LRRC74A: variants seen among roughly 807,000 people sequenced by gnomAD.
LRRC74A encodes leucine rich repeat containing 74A, also known as leucine-rich repeat-containing protein 74A.
LRRC74A carries 44 observed loss-of-function variants against 57.9 expected under a neutral mutation model. That is an observed-to-expected ratio of 0.76 (90% CI 0.60 to 0.98). The LOEUF is 0.98. Among genes scored for constraint, LRRC74A ranks in the 50% least tolerant of loss-of-function variants. The pLI is 0.00. For missense variants in LRRC74A, 572 were observed against 574.0 expected, an observed-to-expected ratio of 1.00 and a Z score of 0.04; for synonymous variants, 211 against 219.4, an observed-to-expected ratio of 0.96 and a Z score of 0.34.
chr14:76,845,837 G>A (rs913714739), intron 7 of LRRC74A, among the ~76,000 whole-genome samples: 14 of 152,216 alleles, frequency 9.2e-5, no homozygotes, highest in African/African-American at 2.7e-4. Context: ...TGGCCAACAT[G>A]GTGAAACCCC....
intron 5 of LRRC74A, 65 bp from the exon 6 acceptor site, chr14:76,844,358 G>A: frequency 6.9e-7 from 1 of 1,443,994 alleles, no homozygotes; most frequent in Admixed American, 1.8e-5. Flanking sequence ...GGGAGGGGCA[G>A]GGGGTGGGAG....
intron 10 of LRRC74A, among the ~76,000 whole-genome samples, chr14:76,859,418 T>C: frequency 6.6e-6 from 1 of 150,460 alleles, no homozygotes; most frequent in East Asian, 2.0e-4. Flanking sequence ...CCTGTAATCA[T>C]AGCTACCTGG....
chr14:76,862,970 G>A (rs970274598), intron 11 of LRRC74A, among the ~76,000 whole-genome samples: 1 of 152,156 alleles, frequency 6.6e-6, no homozygotes, highest in Non-Finnish European at 1.5e-5. Flanking sequence ...CAGCAGGATT[G>A]AGGAGTTCTG....
chr14:76,847,536 T>C (rs1897186215), intron 7 of LRRC74A, among the ~76,000 whole-genome samples: 1 of 151,342 alleles, frequency 6.6e-6, no homozygotes, highest in South Asian at 2.1e-4. Context: ...GGGGACTAAC[T>C]GAGGGTGGAG....
At chr14:76,828,524 C>T (rs752408385) in intron 2 of LRRC74A, 105 bp downstream of exon 2, 425 of 1,541,584 alleles carry the variant, frequency 2.8e-4, no homozygotes, top group Non-Finnish European at 3.5e-4. Context: ...GTCTGCCCTG[C>T]GGATGGCCTG....
intron 5 of LRRC74A, among the ~76,000 whole-genome samples, chr14:76,841,241 C>T (rs1028817799): frequency 2.6e-5 from 4 of 152,036 alleles, no homozygotes; most frequent in Non-Finnish European, 5.9e-5. Flanking sequence ...AGAGTTTTGC[C>T]ATGTTGGCCA....
intron 10 of LRRC74A, among the ~76,000 whole-genome samples, chr14:76,860,260 G>T (rs1053733109): frequency 2.6e-5 from 4 of 152,188 alleles, no homozygotes; most frequent in African/African-American, 9.6e-5. Context: ...ACTTCCAGAA[G>T]GGGAAGTTTC....
Position 76,852,406 on chromosome 14 carries a change from A to C in LRRC74A, c.718A>C (p.Asn240His). ...GLTSLDLSWN[N>H]FHTRGAVALC... ...CACGTCACTGGATCTGAGCTGGAAT[A>C]ACTTCCACACAAGGGGAGCTGTGGC... The change falls in exon 8 of 14, where the codon AAC becomes CAC. Residue 240 changes from asparagine (N) to histidine (H), a missense_variant. By Grantham distance (68) the Asn-to-His change is moderately conservative. Transcript: ENST00000689127. 1 of 1,612,434 alleles carries C rather than the reference A, an allele frequency of 6.2e-7. No homozygotes were observed. Among genetic ancestry groups the C allele is most frequent in the Non-Finnish European group, 8.5e-7 (1 of 1,179,058 alleles).
At chr14:76,857,930 G>A (rs1214889174) in intron 10 of LRRC74A, among the ~76,000 whole-genome samples, 1 of 152,184 alleles carries the variant, frequency 6.6e-6, no homozygotes. Context: ...ATTTCTGGGT[G>A]AAAATCTCTT....
chr14:76,867,524 A>C, intron 13 of LRRC74A, 86 bp downstream of exon 13: 1 of 706,538 alleles, frequency 1.4e-6, no homozygotes, highest in Non-Finnish European at 2.5e-6. Flanking sequence ...TCCTGTCTAC[A>C]CTTTATTACT....
chr14:76,828,894 G>T, intron 2 of LRRC74A: 3 of 696,726 alleles, frequency 4.3e-6, no homozygotes, highest in Non-Finnish European at 6.3e-6. Context: ...TCTGCCTTCT[G>T]TATTCCATAT....
At chr14:76,829,052 T>G in intron 2 of LRRC74A, 1 of 1,289,400 alleles carries the variant, frequency 7.8e-7, no homozygotes, top group Non-Finnish European at 1.0e-6. Flanking sequence ...AAAGACTCTG[T>G]TAATGCAAAT....
chr14:76,866,675 G>T (rs115733672), intron 12 of LRRC74A, among the ~76,000 whole-genome samples: 4,667 of 151,966 alleles, frequency 0.031, 171 homozygotes, highest in Admixed American at 0.093. Flanking sequence ...TCAGCAGCAG[G>T]AAGTGAGAAT....
chr14:76,857,531 A>G, intron 10 of LRRC74A, 56 bp downstream of exon 10: 1 of 1,265,394 alleles, frequency 7.9e-7, no homozygotes, highest in Non-Finnish European at 1.1e-6. Context: ...GACCCTGTCC[A>G]CTCTATACTC....
At chr14:76,841,419 AT>A (rs1267185357) in intron 5 of LRRC74A, among the ~76,000 whole-genome samples, 1 of 152,196 alleles carries the variant, frequency 6.6e-6, no homozygotes, top group East Asian at 1.9e-4. Flanking sequence ...TTTCAAAGTA[AT>A]CTTGAATTTT....
Position 76,844,820 on chromosome 14 carries a change from A to G in LRRC74A, c.595A>G (p.Thr199Ala). ...CTCTTTCCCCTGTTTGTTTCTGTAG[A>G]CCAATTACCAAATTAAAAAGCTGGA... ...SAALLCQALS[T>A]NYQIKKLDLS... Residue 199 changes from threonine to alanine, a missense_variant and splice_region_variant, in exon 7 of 14, where the codon ACC becomes GCC. Thr to Ala is a moderately conservative substitution (Grantham distance 58, BLOSUM62 0). Coordinates refer to ENST00000689127, the MANE Select transcript of LRRC74A (RefSeq NM_001385106.1). 1 of 1,530,350 alleles carries G rather than the reference A, an allele frequency of 6.5e-7. No homozygotes were observed. The highest frequency in any genetic ancestry group is 9.1e-7 in the Non-Finnish European group (1 of 1,104,222). 94.8% of individuals were successfully genotyped at this position (1,530,350 alleles called of 1,614,324 possible). A position where few individuals can be genotyped will look rare whatever the true frequency, so the allele number is the denominator to read the frequency against.
intron 5 of LRRC74A, among the ~76,000 whole-genome samples, chr14:76,838,552 AAGG>A (rs746278828): frequency 1.3e-5 from 2 of 152,234 alleles, no homozygotes; most frequent in African/African-American, 4.8e-5. Context: ...TAGTTTCCAG[AAGG>A]AGAAGAAATG....
chr14:76,866,958 GT>G (rs1898872112), intron 12 of LRRC74A, among the ~76,000 whole-genome samples: 3 of 2,506 alleles, frequency 1.2e-3, no homozygotes, highest in Admixed American at 4.1e-3. Flanking sequence ...GGGTGTGTGT[GT>G]GTGTGTGTGT....
chr14:76,844,493 C>A (rs1157010191), intron 6 of LRRC74A, 21 bp downstream of exon 6: 1 of 1,610,034 alleles, frequency 6.2e-7, no homozygotes. Flanking sequence ...GGGAGTGCAG[C>A]CAAGCCACGT....
Sources: allele counts gnomAD v4.1 joint callset (sites outside exome capture counted in the v4.1 genomes callset), GRCh38; gene constraint gnomAD v4.1.1; transcripts MANE v1.5; gene names NCBI Gene and HGNC (gene_info 2026-07-23, HGNC 2026-07-21).